Variants in SAMMSON observed in about 807,000 individuals in gnomAD.
SAMMSON encodes the protein long intergenic non-protein coding RNA 1212.
chr3:70,328,930 A>G (rs535549348), intron 7 of SAMMSON, among the ~76,000 whole-genome samples: 2 of 152,282 alleles, frequency 1.3e-5, no homozygotes, highest in East Asian at 3.9e-4. Context: ...CTTGAGAGAA[A>G]ATGACACATT....
chr3:70,017,544 A>C (rs993514932), intron 3 of SAMMSON, among the ~76,000 whole-genome samples: 20 of 152,086 alleles, frequency 1.3e-4, no homozygotes, highest in African/African-American at 3.4e-4. Flanking sequence ...GACAATTTGA[A>C]TTCCTCTTTT....
intron 1 of SAMMSON, chr3:70,012,276 C>A (rs1242934275): frequency 1.3e-5 from 2 of 152,046 alleles, no homozygotes; most frequent in Non-Finnish European, 2.9e-5. Context: ...ACTTTGTTAC[C>A]TTTACAAGGG....
At chr3:70,317,881 T>C (rs1702506133) in intron 7 of SAMMSON, among the ~76,000 whole-genome samples, 1 of 151,840 alleles carries the variant, frequency 6.6e-6, no homozygotes, top group South Asian at 2.1e-4. Flanking sequence ...AAAATGTCTT[T>C]AGTTCACTAT....
intron 2 of SAMMSON, among the ~76,000 whole-genome samples, chr3:70,427,781 T>C (rs1156900425): frequency 6.6e-6 from 1 of 151,778 alleles, no homozygotes; most frequent in Non-Finnish European, 1.5e-5. Flanking sequence ...CTCTAATTAG[T>C]GCAAATTGTA....
chr3:70,053,992 A>G (rs1324494153), intron 3 of SAMMSON, among the ~76,000 whole-genome samples: 1 of 152,068 alleles, frequency 6.6e-6, no homozygotes, highest in Non-Finnish European at 1.5e-5. Context: ...CAAATTGTAC[A>G]CTTTGTCTTC....
intron 7 of SAMMSON, among the ~76,000 whole-genome samples, chr3:70,303,337 TC>T (rs1364168638): frequency 6.6e-6 from 1 of 152,046 alleles, no homozygotes; most frequent in African/African-American, 2.4e-5. Context: ...AACCCAGGAG[TC>T]AGACTCATGG....
chr3:70,258,777 C>T (rs1448386316), intron 6 of SAMMSON, among the ~76,000 whole-genome samples: 4 of 151,958 alleles, frequency 2.6e-5, no homozygotes, highest in African/African-American at 9.7e-5. Flanking sequence ...TGGAACCTTG[C>T]AAAAAGTGTT....
chr3:70,236,206 C>T (rs946538670), intron 4 of SAMMSON, among the ~76,000 whole-genome samples: 1 of 152,088 alleles, frequency 6.6e-6, no homozygotes, highest in Admixed American at 6.5e-5. Flanking sequence ...TCGACTTGGC[C>T]CCTTGTGATC....
At chr3:70,330,034 G>A (rs886134183) in intron 7 of SAMMSON, among the ~76,000 whole-genome samples, 4 of 151,530 alleles carry the variant, frequency 2.6e-5, no homozygotes, top group South Asian at 2.1e-4. Context: ...ATAAAAAGAC[G>A]GCCAGAAAAC....
intron 6 of SAMMSON, among the ~76,000 whole-genome samples, chr3:70,283,248 T>A (rs1415166132): frequency 6.6e-6 from 1 of 152,106 alleles, no homozygotes; most frequent in Admixed American, 6.6e-5. Flanking sequence ...GCGGGAACCT[T>A]GTAAACTCAT....
intron 4 of SAMMSON, among the ~76,000 whole-genome samples, chr3:70,210,715 T>C (rs1701334785): frequency 1.3e-5 from 2 of 152,052 alleles, no homozygotes; most frequent in Admixed American, 6.6e-5. Context: ...TTAGAGAAAA[T>C]AATTTTTACC....
intron 2 of SAMMSON, among the ~76,000 whole-genome samples, chr3:70,416,936 C>G (rs1307717700): frequency 6.6e-6 from 1 of 152,138 alleles, no homozygotes; most frequent in Non-Finnish European, 1.5e-5. Flanking sequence ...GAATGATACT[C>G]TATACCCAGG....
intron 6 of SAMMSON, among the ~76,000 whole-genome samples, chr3:70,264,847 C>T (rs1419208582): frequency 6.6e-6 from 1 of 152,092 alleles, no homozygotes; most frequent in Non-Finnish European, 1.5e-5. Context: ...TCTGTTCTCA[C>T]ACTGCTAATA....
intron 7 of SAMMSON, among the ~76,000 whole-genome samples, chr3:70,310,815 T>G (rs1702447649): frequency 6.7e-6 from 1 of 150,078 alleles, no homozygotes; most frequent in African/African-American, 2.4e-5. Context: ...AACTTAAACA[T>G]TTTTTTTCTT....
chr3:70,408,843 G>A (rs1003598934), intron 2 of SAMMSON, among the ~76,000 whole-genome samples: 5 of 152,060 alleles, frequency 3.3e-5, no homozygotes, highest in East Asian at 1.9e-4. Flanking sequence ...CTGTTTTCAC[G>A]CTGCTGAAAA....
intron 4 of SAMMSON, among the ~76,000 whole-genome samples, chr3:70,222,320 C>T (rs1179052902): frequency 1.3e-5 from 2 of 152,182 alleles, no homozygotes; most frequent in Non-Finnish European, 2.9e-5. Flanking sequence ...TCTGTGTTAC[C>T]ATGAAGATAA....
At chr3:70,181,725 T>A (rs1229265747) in intron 4 of SAMMSON, among the ~76,000 whole-genome samples, 1 of 152,226 alleles carries the variant, frequency 6.6e-6, no homozygotes, top group African/African-American at 2.4e-5. Flanking sequence ...AATTTCAAAT[T>A]GACTTTCTCA....
intron 9 of SAMMSON, among the ~76,000 whole-genome samples, chr3:70,368,854 C>T (rs188538087): frequency 1.3e-4 from 19 of 151,650 alleles, no homozygotes; most frequent in Admixed American, 9.9e-4. Flanking sequence ...AGGTAATTTG[C>T]ATTTCTGTAT....
At chr3:70,351,507 A>G (rs1384561277) in intron 7 of SAMMSON, among the ~76,000 whole-genome samples, 1 of 152,130 alleles carries the variant, frequency 6.6e-6, no homozygotes, top group Non-Finnish European at 1.5e-5. Flanking sequence ...AGTACAGCTA[A>G]ACCCTCTAAA....
Sources: allele counts gnomAD v4.1 joint callset (sites outside exome capture counted in the v4.1 genomes callset), GRCh38; gene constraint gnomAD v4.1.1; transcripts MANE v1.5; gene names NCBI Gene and HGNC (gene_info 2026-07-23, HGNC 2026-07-21).